The following RAB12 variants were observed in gnomAD, a reference collection of about 807,000 sequenced individuals.
RAB12 encodes the protein RAB12, member RAS oncogene family.
In RAB12, 11 loss-of-function variants were observed where a neutral mutation model predicts 28.4. The ratio of observed to expected loss-of-function variants is 0.39; its 90% CI spans 0.24 to 0.64. The LOEUF (loss-of-function observed/expected upper bound fraction) is 0.64, where lower values mean the gene tolerates loss of function less well. RAB12 is among the 30% of genes least tolerant of loss of function. The pLI, the probability that RAB12 is intolerant of heterozygous loss-of-function variation, is 0.50. For missense variants in RAB12, 276 were observed against 351.1 expected, an observed-to-expected ratio of 0.79 and a Z score of 1.71; for synonymous variants, 138 against 145.3, an observed-to-expected ratio of 0.95 and a Z score of 0.36.
intron 2 of RAB12, among the ~76,000 whole-genome samples, chr18:8,626,761 CT>C (rs894698511): frequency 3.3e-5 from 5 of 152,224 alleles, no homozygotes; most frequent in Non-Finnish European, 2.9e-5. Context: ...CAAATGACCC[CT>C]CTCCCTCTCC....
Position 8,638,495 on chromosome 18 carries a change from C to T in RAB12, c.*233C>T, listed in dbSNP as rs2096020271. ...ATTACCCCAGTGTCTAGTGTACATA[C>T]ACTGGGAAACCTAGTACTTCTAATA... On this transcript the variant is annotated 3_prime_UTR_variant, in exon 6 of 6. Coordinates refer to ENST00000649141, the MANE Select transcript of RAB12 (RefSeq NM_001025300.3). 2.2e-6 allele frequency: 1 copy of T among 449,454 alleles called. No individual in the cohort carries two copies. The highest frequency in any genetic ancestry group is 4.0e-6 in the Non-Finnish European group (1 of 248,870). 27.8% of individuals were successfully genotyped at this position (449,454 alleles called of 1,614,324 possible). A position where few individuals can be genotyped will look rare whatever the true frequency, so the allele number is the denominator to read the frequency against.
At chr18:8,629,388 G>A (rs571246121) in intron 2 of RAB12, among the ~76,000 whole-genome samples, 134 of 152,298 alleles carry the variant, frequency 8.8e-4, no homozygotes, top group Admixed American at 1.6e-3. Context: ...TTCAGTCTTC[G>A]TCTATCATAT....
intron 5 of RAB12, 29 bp downstream of exon 5, chr18:8,636,386 T>C (rs1228918681): frequency 2.3e-6 from 3 of 1,326,934 alleles, no homozygotes; most frequent in Non-Finnish European, 3.2e-6. Context: ...ATTATAAAAG[T>C]ATATCATCTG....
chr18:8,624,708 A>C (rs2096011726), intron 1 of RAB12, among the ~76,000 whole-genome samples: 2 of 152,222 alleles, frequency 1.3e-5, no homozygotes, highest in Admixed American at 1.3e-4. Context: ...CCGATCACTC[A>C]GGATAAGACA....
rs778716949 is a variant in RAB12, at chr18:8,625,037, T to C, written c.575+39T>C. 7.8e-6 allele frequency: 10 copies of C among 1,278,034 alleles called. No homozygotes were observed. The African/African-American group carries it at 1.5e-4, about 19-fold the overall frequency. The allele number at this position is 1,278,034 out of a possible 1,614,324, so 79.2% of individuals were successfully genotyped here. On this transcript the variant is annotated intron_variant, in intron 2 of 5. Transcript: ENST00000649141. ...TGTGCACCCAGTAATGTGCTGTGTG[T>C]GTTTAACAGTCCATGTACTTGTCTA...
rs147884534 is a variant in RAB12, at chr18:8,611,594, C to A, written c.514+1641C>A. On this transcript the variant is annotated intron_variant, in intron 1 of 5. Coordinates refer to ENST00000649141, the MANE Select transcript of RAB12 (RefSeq NM_001025300.3). Reference sequence around the variant, plus strand: ...ATGGATGCTGCGAGACCTTGACCGCCATGCTAAGGAGAATGGACCCGATCC... The same window carrying A: ...ATGGATGCTGCGAGACCTTGACCGCAATGCTAAGGAGAATGGACCCGATCC... 1.2e-3 allele frequency among the ~76,000 whole-genome samples: 177 copies of A among 152,234 alleles called. 2 individuals are homozygous for A. Among genetic ancestry groups the A allele is most frequent in the African/African-American group, 3.7e-3 (152 of 41,534 alleles).
Position 8,639,115 on chromosome 18 carries a change from G to A in RAB12, c.*853G>A, listed in dbSNP as rs1167965493. On this transcript the variant is annotated 3_prime_UTR_variant, in exon 6 of 6. Coordinates refer to ENST00000649141, the MANE Select transcript of RAB12 (RefSeq NM_001025300.3). ...ATAAAACTTCCCCCTTCTTTACGGT[G>A]AAGCTTATTCTGATTAAGCCTAGAC... 1 of 113,262 alleles carries A rather than the reference G, an allele frequency of 8.8e-6. No individual in the cohort carries two copies. Among genetic ancestry groups the A allele is most frequent in the African/African-American group, 3.4e-5 (1 of 29,180 alleles). The allele number at this position is 113,262 out of a possible 1,614,324, so 7.0% of individuals were successfully genotyped here. A position where few individuals can be genotyped will look rare whatever the true frequency, so the allele number is the denominator to read the frequency against.
At chr18:8,622,945 C>T (rs1430310739) in intron 1 of RAB12, among the ~76,000 whole-genome samples, 3 of 152,138 alleles carry the variant, frequency 2.0e-5, no homozygotes, top group African/African-American at 4.8e-5. Flanking sequence ...GGCTCTGTTC[C>T]GCCCGGCTCA....
intron 5 of RAB12, among the ~76,000 whole-genome samples, chr18:8,636,666 C>A (rs1474877216): frequency 1.3e-5 from 2 of 152,162 alleles, no homozygotes; most frequent in African/African-American, 2.4e-5. Flanking sequence ...TTTTCCCACC[C>A]CCGTTTTTCT....
In RAB12 at chr18:8,638,912, GCT is replaced by G. The variant is rs751622052; in HGVS notation, c.*651_*652del. 4 of 152,110 alleles carry G rather than the reference GCT, an allele frequency of 2.6e-5. No homozygotes were observed. Among genetic ancestry groups the G allele is most frequent in the Non-Finnish European group, 5.9e-5 (4 of 68,032 alleles). 9.4% of individuals were successfully genotyped at this position (152,110 alleles called of 1,614,324 possible). The stretch of plus-strand genomic sequence containing the variant: ...GGCTTCCTAAGGGATGTACCTTTAT[GCT>G]TTTAAGAACTACAAAGATTCAATAA... On this transcript the variant is annotated 3_prime_UTR_variant, in exon 6 of 6. Transcript: ENST00000649141.
Position 8,609,931 on chromosome 18 carries a change from C to T in RAB12, c.492C>T (p.Cys164=). ...AGCGCTTCACCGACGACACCTTCTG[C>T]GAGGCCTGCAAGTCCACCGTGGGTA... is the stretch of plus-strand genomic sequence containing the variant. ...LMERFTDDTF[C]EACKSTVGVD... Residue 164 remains cysteine, a synonymous_variant, in exon 1 of 6, where the codon TGC becomes TGT. Coordinates refer to ENST00000649141, the MANE Select transcript of RAB12 (RefSeq NM_001025300.3). 6.2e-7 allele frequency: 1 copy of T among 1,608,652 alleles called. No individual in the cohort carries two copies. The highest frequency in any genetic ancestry group is 8.5e-7 in the Non-Finnish European group (1 of 1,177,858).
At chr18:8,629,879 C>G (rs905454102) in intron 2 of RAB12, among the ~76,000 whole-genome samples, 13 of 152,168 alleles carry the variant, frequency 8.5e-5, no homozygotes, top group Admixed American at 8.5e-4. Flanking sequence ...CCTGTTGCCC[C>G]CCAGCTTACT....
At chr18:8,619,235 G>A (rs540128128) in intron 1 of RAB12, among the ~76,000 whole-genome samples, 1 of 152,182 alleles carries the variant, frequency 6.6e-6, no homozygotes, top group Admixed American at 6.5e-5. Flanking sequence ...AGTGACCTGG[G>A]CATGGAAGAA....
At chr18:8,622,991 C>G (rs1402916157) in intron 1 of RAB12, among the ~76,000 whole-genome samples, 2 of 152,166 alleles carry the variant, frequency 1.3e-5, no homozygotes, top group Non-Finnish European at 2.9e-5. Context: ...TCTCTTGTTC[C>G]CTGAACATTG....
chr18:8,630,304 G>A (rs149058805), intron 2 of RAB12, among the ~76,000 whole-genome samples: 221 of 152,300 alleles, frequency 1.5e-3, no homozygotes, highest in African/African-American at 5.2e-3. Context: ...GGGCTTCCAG[G>A]TCATAGGTAG....
intron 1 of RAB12, among the ~76,000 whole-genome samples, chr18:8,620,018 CA>C (rs1321047950): frequency 6.6e-6 from 1 of 151,900 alleles, no homozygotes; most frequent in South Asian, 2.1e-4. Context: ...TCTGTAGACT[CA>C]GGTACTCGGG....
In RAB12 at chr18:8,609,840, C is replaced by T. The variant is rs770744661; in HGVS notation, c.401C>T (p.Pro134Leu). Residue 134 changes from proline to leucine, a missense_variant, in exon 1 of 6, where the codon CCG becomes CTG. By Grantham distance (98) the Pro-to-Leu change is moderately conservative. Around this residue, in one of 4 missense-constraint regions of RAB12, gnomAD observed 76 missense variants for 117.9 expected, o/e 0.64. Transcript: ENST00000649141. ...CGCCGGAGGAAGCAGCCCCCCAGGC[C>T]GGCCGACTTCAAGTTGCAGGTCATC... The part of the protein sequence containing the change: ...QGRRRKQPPR[P>L]ADFKLQVIII... 3.2e-6 allele frequency: 5 copies of T among 1,576,100 alleles called. No individual in the cohort carries two copies. The highest frequency in any genetic ancestry group is 3.6e-5 in the Admixed American group (2 of 55,960).
At chr18:8,632,284 A>T (rs1248575982) in intron 2 of RAB12, among the ~76,000 whole-genome samples, 1 of 129,546 alleles carries the variant, frequency 7.7e-6, no homozygotes, top group Non-Finnish European at 1.6e-5. Flanking sequence ...TCTGTCTCCA[A>T]AAAAAAAAAA....
intron 1 of RAB12, among the ~76,000 whole-genome samples, chr18:8,621,953 A>G (rs1330952020): frequency 6.6e-6 from 1 of 152,222 alleles, no homozygotes; most frequent in African/African-American, 2.4e-5. Flanking sequence ...CTGATTTTGA[A>G]TATTAATGTC....
Sources: allele counts gnomAD v4.1 joint callset (sites outside exome capture counted in the v4.1 genomes callset), GRCh38; gene constraint gnomAD v4.1.1; regional missense constraint gnomAD v4.1.1; transcripts MANE v1.5; gene names NCBI Gene and HGNC (gene_info 2026-07-23, HGNC 2026-07-21).